Variants in ESRRG observed in about 807,000 individuals in gnomAD.
ESRRG encodes the protein estrogen-related receptor gamma.
Under a neutral mutation model 44.0 loss-of-function variants are expected in ESRRG, and 13 were observed. That is an observed-to-expected ratio of 0.30 (90% CI 0.19 to 0.47). The LOEUF (loss-of-function observed/expected upper bound fraction) is 0.47, where lower values mean the gene tolerates loss of function less well. Among genes scored for constraint, ESRRG ranks in the 20% least tolerant of loss-of-function variants. ESRRG has a pLI of 1.00. For synonymous variants in ESRRG, 215 were observed against 214.6 expected, an observed-to-expected ratio of 1.00 and a Z score of -0.02; for missense variants, 395 against 580.6, an observed-to-expected ratio of 0.68 and a Z score of 3.29.
At chr1:216,735,160 C>T (rs1575918782) in intron 2 of ESRRG, among the ~76,000 whole-genome samples, 2 of 151,658 alleles carry the variant, frequency 1.3e-5, no homozygotes, top group South Asian at 4.2e-4. Context: ...CTGCCTTCCT[C>T]GCCTCCCAAA....
intron 3 of ESRRG, among the ~76,000 whole-genome samples, chr1:216,626,375 C>G (rs941782609): frequency 6.6e-6 from 1 of 152,140 alleles, no homozygotes; most frequent in African/African-American, 2.4e-5. Flanking sequence ...AGCATTTTTC[C>G]CATGACTTCT....
intron 2 of ESRRG, among the ~76,000 whole-genome samples, chr1:216,880,914 T>A (rs565660368): frequency 6.6e-6 from 1 of 152,240 alleles, no homozygotes; most frequent in Admixed American, 6.5e-5. Flanking sequence ...ACTAGAATAA[T>A]TATTGCCTTT....
At chr1:217,022,217 G>A (rs1468419765) in intron 1 of ESRRG, among the ~76,000 whole-genome samples, 1 of 152,188 alleles carries the variant, frequency 6.6e-6, no homozygotes, top group East Asian at 1.9e-4. Flanking sequence ...TATTTGAACT[G>A]TGGAGCCAAA....
intron 3 of ESRRG, among the ~76,000 whole-genome samples, chr1:216,623,077 C>CTTTT (rs370657704): frequency 0.01 from 907 of 88,660 alleles, 26 homozygotes; most frequent in Middle Eastern, 0.014. Context: ...AATCATTAAA[C>CTTTT]TTTTTTTTTT....
chr1:217,099,437 T>C (rs931656389), intron 1 of ESRRG, among the ~76,000 whole-genome samples: 2 of 152,186 alleles, frequency 1.3e-5, no homozygotes, highest in Non-Finnish European at 2.9e-5. Flanking sequence ...TTTTTAATTT[T>C]CTATGTAATT....
chr1:216,615,653 T>C (rs1442428519), intron 3 of ESRRG, among the ~76,000 whole-genome samples: 1 of 152,120 alleles, frequency 6.6e-6, no homozygotes, highest in African/African-American at 2.4e-5. Context: ...CAGGCTTTAA[T>C]GCTGTCCTCA....
At position 217,046,894 on chromosome 1, in the gene ESRRG, A is replaced by AG. The variant is rs886804975; in HGVS notation, c.-106+42612dup. 3.5e-3 allele frequency among the ~76,000 whole-genome samples: 517 copies of AG among 146,404 alleles called. 1 individual carries two copies. Among genetic ancestry groups the AG allele is most frequent in the African/African-American group, 0.012 (492 of 41,054 alleles). On this transcript the variant is annotated intron_variant, in intron 1 of 7. Coordinates refer to the ESRRG transcript ENST00000359162. ...GTGAGATCCTGTCTCATAAAAAAAA[A>AG]GGGGGGGGAATGGAAGATATGCAAC... is the stretch of plus-strand genomic sequence containing the variant.
chr1:216,790,779 T>C (rs1307938923), intron 2 of ESRRG, among the ~76,000 whole-genome samples: 1 of 152,082 alleles, frequency 6.6e-6, no homozygotes, highest in Non-Finnish European at 1.5e-5. Flanking sequence ...GTTGTAGTAA[T>C]TTCATCCTCT....
At chr1:216,634,279 T>C (rs930557933) in intron 3 of ESRRG, among the ~76,000 whole-genome samples, 9 of 152,174 alleles carry the variant, frequency 5.9e-5, no homozygotes, top group Non-Finnish European at 1.3e-4. Context: ...GAATTGCCAA[T>C]GAGAATTAAA....
chr1:216,555,109 A>G (rs1206161673), intron 5 of ESRRG, among the ~76,000 whole-genome samples: 1 of 152,186 alleles, frequency 6.6e-6, no homozygotes, highest in Admixed American at 6.5e-5. Context: ...CCTGGTGGTT[A>G]CTTATTCACT....
chr1:217,034,068 C>A (rs1310969397), intron 1 of ESRRG, among the ~76,000 whole-genome samples: 1 of 152,172 alleles, frequency 6.6e-6, no homozygotes, highest in African/African-American at 2.4e-5. Context: ...ATGTTAGTAT[C>A]ATTCTGAAGA....
chr1:217,101,786 C>T, intron 1 of ESRRG, among the ~76,000 whole-genome samples: 1 of 39,908 alleles, frequency 2.5e-5, no homozygotes, highest in East Asian at 9.7e-4. Flanking sequence ...TTTAAAACAA[C>T]ATTTTATTTT....
intron 2 of ESRRG, among the ~76,000 whole-genome samples, chr1:216,844,235 G>T (rs1405382671): frequency 1.3e-5 from 2 of 152,038 alleles, no homozygotes; most frequent in African/African-American, 2.4e-5. Context: ...CACTCTTTCT[G>T]AGGTTGGTTA....
At chr1:216,560,338 A>T (rs1485088336) in intron 5 of ESRRG, among the ~76,000 whole-genome samples, 1 of 152,202 alleles carries the variant, frequency 6.6e-6, no homozygotes, top group Non-Finnish European at 1.5e-5. Flanking sequence ...TCACGTTAAA[A>T]ATAAACAAGC....
intron 1 of ESRRG, among the ~76,000 whole-genome samples, chr1:217,055,168 T>A (rs140685537): frequency 2.6e-5 from 4 of 152,196 alleles, no homozygotes; most frequent in African/African-American, 9.6e-5. Context: ...ATAGCCCTTT[T>A]TTTCATGCAT....
At chr1:216,758,853 A>G (rs2092610114) in intron 2 of ESRRG, among the ~76,000 whole-genome samples, 5 of 152,034 alleles carry the variant, frequency 3.3e-5, no homozygotes, top group Admixed American at 6.6e-5. Flanking sequence ...TCTTAATAAT[A>G]ATATTATTAT....
intron 6 of ESRRG, among the ~76,000 whole-genome samples, chr1:216,516,672 G>C (rs866198309): frequency 0.018 from 1,359 of 74,370 alleles, 17 homozygotes; most frequent in African/African-American, 0.058. Context: ...CACACACAGA[G>C]AGAGAGAGAG....
At chr1:216,595,249 T>A (rs966265504) in intron 3 of ESRRG, among the ~76,000 whole-genome samples, 3 of 152,204 alleles carry the variant, frequency 2.0e-5, no homozygotes, top group Non-Finnish European at 4.4e-5. Flanking sequence ...CTGGGAAGGC[T>A]TACTTATGTT....
upstream of ESRRG, among the ~76,000 whole-genome samples, chr1:217,090,041 A>G (rs1207011551): frequency 1.3e-5 from 2 of 152,328 alleles, no homozygotes; most frequent in African/African-American, 4.8e-5. Flanking sequence ...TTTTCTAAAA[A>G]AAATTCCCGG....
Sources: allele counts gnomAD v4.1 joint callset (sites outside exome capture counted in the v4.1 genomes callset), GRCh38; gene constraint gnomAD v4.1.1; transcripts MANE v1.5; gene names NCBI Gene and HGNC (gene_info 2026-07-23, HGNC 2026-07-21).